The following CWC27 variants were observed in gnomAD, a reference collection of about 807,000 sequenced individuals.
CWC27 encodes the protein spliceosome-associated protein CWC27 homolog.
In CWC27, 47 loss-of-function variants were observed where a neutral mutation model predicts 63.6. The ratio of observed to expected loss-of-function variants is 0.74; its 90% confidence interval spans 0.58 to 0.94. CWC27 has a LOEUF of 0.94. Ranked by LOEUF, CWC27 falls within the 40% of genes least tolerant of loss-of-function variation. The pLI is 0.00. For missense variants in CWC27, 495 were observed against 554.3 expected, an observed-to-expected ratio of 0.89 and a Z score of 1.07; for synonymous variants, 175 against 179.8, an observed-to-expected ratio of 0.97 and a Z score of 0.22.
intron 1 of CWC27, 51 bp from the exon 2 acceptor site, chr5:64,774,640 T>A (rs913753883): frequency 9.0e-7 from 1 of 1,111,568 alleles, no homozygotes; most frequent in South Asian, 1.6e-5. Context: ...GTTATTCAAC[T>A]GATTATTAAG....
intron 1 of CWC27, among the ~76,000 whole-genome samples, chr5:64,771,562 T>A (rs1486464930): frequency 6.6e-6 from 1 of 152,240 alleles, no homozygotes; most frequent in African/African-American, 2.4e-5. Context: ...GATCACTTAT[T>A]CTAAATTGTG....
chr5:64,779,607 G>A (rs1023785275), intron 2 of CWC27, among the ~76,000 whole-genome samples: 12 of 151,966 alleles, frequency 7.9e-5, no homozygotes, highest in Admixed American at 5.9e-4. Context: ...ATGTGCAGCC[G>A]GCACCTCTAT....
chr5:64,849,729 G>C (rs902355229), intron 10 of CWC27, among the ~76,000 whole-genome samples: 2 of 152,132 alleles, frequency 1.3e-5, no homozygotes, highest in Non-Finnish European at 2.9e-5. Flanking sequence ...TCATGGGGGA[G>C]GTTTTGCCCA....
At chr5:64,855,697 C>T (rs1250208425) in intron 10 of CWC27, among the ~76,000 whole-genome samples, 1 of 152,062 alleles carries the variant, frequency 6.6e-6, no homozygotes, top group Non-Finnish European at 1.5e-5. Flanking sequence ...GACCATTTCA[C>T]AATAACGTTT....
At chr5:64,811,668 A>AT in intron 10 of CWC27, among the ~76,000 whole-genome samples, 1 of 152,162 alleles carries the variant, frequency 6.6e-6, no homozygotes, top group East Asian at 1.9e-4. Context: ...GCACTGTTCC[A>AT]TTTTTAAGAA....
intron 12 of CWC27, among the ~76,000 whole-genome samples, 200 bp downstream of exon 12, chr5:64,972,012 G>A (rs1183902736): frequency 6.6e-6 from 1 of 152,192 alleles, no homozygotes; most frequent in Non-Finnish European, 1.5e-5. Context: ...CATTGGTGGT[G>A]AAAAAGCCTG....
Position 64,866,082 on chromosome 5 carries a change from G to A in CWC27, c.939-19361G>A, listed in dbSNP as rs566239318. Among the ~76,000 whole-genome samples, 105 of 152,152 alleles carry A rather than the reference G, an allele frequency of 6.9e-4. 1 individual carries two copies. The highest frequency in any genetic ancestry group is 2.3e-3 in the African/African-American group (97 of 41,544). ...ACAAGTCACTGGAACTTGAGAACCC[G>A]TCTGTCAAGGAGATTTTTTAATTAG... is the stretch of plus-strand genomic sequence containing the variant. On this transcript the variant is annotated intron_variant, in intron 10 of 13. Transcript: ENST00000381070.
chr5:64,907,301 A>T (rs1225363924), intron 11 of CWC27, among the ~76,000 whole-genome samples: 2 of 152,228 alleles, frequency 1.3e-5, no homozygotes, highest in Non-Finnish European at 2.9e-5. Flanking sequence ...ATTCATGAGC[A>T]TGGAATGTTC....
intron 13 of CWC27, among the ~76,000 whole-genome samples, chr5:65,000,478 A>G (rs1241211486): frequency 1.3e-5 from 2 of 151,938 alleles, no homozygotes; most frequent in Admixed American, 6.6e-5. Context: ...TTAAGTCTTT[A>G]ATTCATTTTG....
At chr5:64,992,573 C>T (rs1332074713) in intron 13 of CWC27, among the ~76,000 whole-genome samples, 1 of 151,846 alleles carries the variant, frequency 6.6e-6, no homozygotes, top group East Asian at 1.9e-4. Context: ...GCTCTGTTGC[C>T]CAGGCTGCAG....
chr5:64,861,755 T>G (rs1746417234), intron 10 of CWC27, among the ~76,000 whole-genome samples: 1 of 152,194 alleles, frequency 6.6e-6, no homozygotes, highest in Admixed American at 6.5e-5. Flanking sequence ...AACAGCAACA[T>G]AATACCAGGT....
chr5:64,947,380 C>T (rs778773059), intron 11 of CWC27, among the ~76,000 whole-genome samples: 2 of 152,044 alleles, frequency 1.3e-5, no homozygotes, highest in Non-Finnish European at 2.9e-5. Flanking sequence ...CTTGGCTGTA[C>T]CTTAGTGCTG....
At chr5:64,867,082 T>C (rs566153812) in intron 10 of CWC27, among the ~76,000 whole-genome samples, 64 of 152,200 alleles carry the variant, frequency 4.2e-4, no homozygotes, top group Admixed American at 1.4e-3. Context: ...GTTTTAAGAA[T>C]GTTCAAAAGA....
chr5:64,901,579 A>G (rs936729867), intron 11 of CWC27, among the ~76,000 whole-genome samples: 6 of 152,186 alleles, frequency 3.9e-5, no homozygotes, highest in Non-Finnish European at 8.8e-5. Flanking sequence ...TGGTGAGTTA[A>G]TATGAAGGCC....
intron 10 of CWC27, among the ~76,000 whole-genome samples, chr5:64,880,043 CTG>C (rs961464028): frequency 6.6e-6 from 1 of 151,978 alleles, no homozygotes; most frequent in Non-Finnish European, 1.5e-5. Context: ...TTCATTCTGT[CTG>C]TAAATAGCTA....
At chr5:64,910,301 C>A (rs1747757184) in intron 11 of CWC27, among the ~76,000 whole-genome samples, 1 of 152,182 alleles carries the variant, frequency 6.6e-6, no homozygotes, top group Non-Finnish European at 1.5e-5. Flanking sequence ...AATATTGCTG[C>A]CTGATCCTTC....
chr5:64,974,090 T>A (rs73111511), intron 12 of CWC27, among the ~76,000 whole-genome samples: 1,768 of 145,090 alleles, frequency 0.012, 45 homozygotes, highest in African/African-American at 0.043. Context: ...AAAAAAAAAA[T>A]AGTTTGGCAA....
chr5:64,977,000 T>G lies in CWC27; in HGVS notation c.1153-135T>G, dbSNP rs1377547948. The G allele has an allele frequency of 1.7e-5, 8 of 480,856 alleles. No individual in the cohort carries two copies. In the East Asian group the frequency reaches 2.8e-4, roughly 17 times the overall value. 29.8% of individuals were successfully genotyped at this position (480,856 alleles called of 1,614,324 possible). On this transcript the variant is annotated intron_variant, in intron 12 of 13. Transcript: ENST00000381070. ...CATTATTGCAGCCTAAAGGTAGTTT[T>G]GTTCTTTTTGTTCAAAATCAAACAT...
chr5:64,970,108 A>G (rs1580755657), intron 11 of CWC27, among the ~76,000 whole-genome samples: 1 of 152,200 alleles, frequency 6.6e-6, no homozygotes, highest in South Asian at 2.1e-4. Context: ...AAGTCATCTT[A>G]AAGTGCTTGC....
Sources: allele counts gnomAD v4.1 joint callset (sites outside exome capture counted in the v4.1 genomes callset), GRCh38; gene constraint gnomAD v4.1.1; transcripts MANE v1.5; gene names NCBI Gene and HGNC (gene_info 2026-07-23, HGNC 2026-07-21).